Variants in ST7 observed in about 807,000 individuals in gnomAD.
ST7 encodes the protein suppressor of tumorigenicity 7 protein.
ST7 carries 28 observed loss-of-function variants against 78.7 expected under a neutral mutation model. That is an observed-to-expected ratio of 0.36 (90% CI 0.26 to 0.49). ST7 has a LOEUF of 0.49. Ranked by LOEUF, ST7 falls within the 20% of genes least tolerant of loss-of-function variation. The probability of loss-of-function intolerance (pLI) is 0.99; values close to 1 mark genes in which losing one functional copy is unlikely to be tolerated. For synonymous variants in ST7, 247 were observed against 249.6 expected (o/e 0.99, Z 0.10); for missense variants, 418 against 696.0 (o/e 0.60, Z 4.49).
chr7:116,977,408 A>AG (rs1274923265), intron 1 of ST7, among the ~76,000 whole-genome samples: 2 of 152,140 alleles, frequency 1.3e-5, no homozygotes, highest in African/African-American at 4.8e-5. Flanking sequence ...ATGTGGAGGC[A>AG]GGTCTTGCTG....
At chr7:117,133,139 C>T (rs1273044573) in intron 6 of ST7, among the ~76,000 whole-genome samples, 1 of 151,798 alleles carries the variant, frequency 6.6e-6, no homozygotes, top group Non-Finnish European at 1.5e-5. Flanking sequence ...GCTTGGAGAC[C>T]ATTCCTTTAA....
intron 1 of ST7, among the ~76,000 whole-genome samples, chr7:116,976,133 C>A (rs1793693871): frequency 6.6e-6 from 1 of 152,028 alleles, no homozygotes; most frequent in Non-Finnish European, 1.5e-5. Context: ...GGCGTGGTGG[C>A]AGGAGCCTGC....
intron 12 of ST7, among the ~76,000 whole-genome samples, chr7:117,206,375 G>C (rs915302488): frequency 1.3e-5 from 2 of 152,156 alleles, no homozygotes; most frequent in African/African-American, 4.8e-5. Context: ...GAGGTGTGGG[G>C]AGGGGAAATT....
chr7:116,965,792 G>T (rs1049308612), intron 1 of ST7: 3 of 159,788 alleles, frequency 1.9e-5, no homozygotes, highest in Non-Finnish European at 2.9e-5. Flanking sequence ...ACACGTTACT[G>T]TTGGGGCTAA....
chr7:117,097,048 A>AT (rs965389373), intron 1 of ST7, among the ~76,000 whole-genome samples: 168 of 150,162 alleles, frequency 1.1e-3, no homozygotes, highest in African/African-American at 2.4e-3. Flanking sequence ...AAAAAACTCA[A>AT]TTTTTTTTTT....
chr7:117,225,953 C>G (rs1280294091), intron 15 of ST7, among the ~76,000 whole-genome samples: 1 of 152,200 alleles, frequency 6.6e-6, no homozygotes, highest in Non-Finnish European at 1.5e-5. Context: ...TAAGCTTGCA[C>G]ATATAAATAC....
At chr7:117,130,417 T>C in intron 4 of ST7, 74 bp from the exon 5 acceptor site, 1 of 1,093,532 alleles carries the variant, frequency 9.1e-7, no homozygotes, top group South Asian at 1.4e-5. Context: ...TTTCAACGCC[T>C]CTGCAGCTTA....
At chr7:117,184,078 T>G (rs1019828823) in intron 10 of ST7, 3 of 152,266 alleles carry the variant, frequency 2.0e-5, no homozygotes, top group Middle Eastern at 3.2e-3. Context: ...CATGACAATT[T>G]GATTTTGCAT....
chr7:117,166,762 G>A lies in ST7; in HGVS notation c.964-4100G>A, dbSNP rs147085085. Among the ~76,000 whole-genome samples, 748 of 152,038 alleles carry A rather than the reference G, an allele frequency of 4.9e-3. 6 individuals are homozygous for A. Among genetic ancestry groups the A allele is most frequent in the African/African-American group, 0.017 (702 of 41,472 alleles). ...AAATTAGCCGGGCATGGTGGTGGGC[G>A]CCTGTAGTTCCAGCTACTTGGGAGG... On this transcript the variant is annotated intron_variant, in intron 9 of 15. Coordinates refer to ENST00000323984, the MANE Select transcript of ST7 (RefSeq NM_001369598.1).
chr7:117,190,819 C>T lies in ST7; in HGVS notation c.1152-15C>T, dbSNP rs371151383. 223 of 1,612,538 alleles carry T rather than the reference C, an allele frequency of 1.4e-4. No individual in the cohort carries two copies. In the African/African-American group the frequency reaches 2.6e-3, roughly 19 times the overall value. ...GTGGTCCCACCTGGATGGTTTTTGT[C>T]TTTCTGCTTTTCAGATTCTCTCCTG... On this transcript the variant is annotated splice_polypyrimidine_tract_variant and intron_variant, in intron 11 of 15. Transcript: ENST00000323984. The surrounding 1 kb of genome is among the most constrained non-coding windows in gnomAD (Gnocchi z 5.2).
At chr7:116,957,093 G>C (rs1290393100) in intron 1 of ST7, 1 of 162,326 alleles carries the variant, frequency 6.2e-6, no homozygotes, top group Non-Finnish European at 1.3e-5. Flanking sequence ...ACATCGTGTA[G>C]TTTTCCAAGT....
intron 1 of ST7, among the ~76,000 whole-genome samples, chr7:116,974,318 C>T (rs1391022881): frequency 1.3e-5 from 2 of 150,918 alleles, no homozygotes; most frequent in African/African-American, 4.9e-5. Flanking sequence ...GACAGAGCCT[C>T]ACTGTGTCGC....
intron 10 of ST7, among the ~76,000 whole-genome samples, chr7:117,177,971 GA>G (rs1318732461): frequency 1.3e-5 from 2 of 152,152 alleles, no homozygotes; most frequent in East Asian, 3.8e-4. Flanking sequence ...AGGAGAAATG[GA>G]CTGCTTTTTA....
chr7:117,014,095 C>G (rs1446701579), intron 1 of ST7, among the ~76,000 whole-genome samples: 1 of 152,126 alleles, frequency 6.6e-6, no homozygotes, highest in African/African-American at 2.4e-5. Context: ...TCATCTTCTT[C>G]AAAGTGGTGG....
chr7:117,211,639 G>C (rs1792302890), intron 13 of ST7, among the ~76,000 whole-genome samples: 1 of 152,010 alleles, frequency 6.6e-6, no homozygotes, highest in Non-Finnish European at 1.5e-5. Context: ...CCAAAAAAGG[G>C]GTGGGGCAAA....
intron 9 of ST7, among the ~76,000 whole-genome samples, chr7:117,143,474 C>G (rs1462101861): frequency 6.6e-6 from 1 of 152,164 alleles, no homozygotes; most frequent in Non-Finnish European, 1.5e-5. Context: ...GAAGTGTCCC[C>G]TGGCCAGTCC....
chr7:117,052,792 G>A (rs549654821), intron 1 of ST7, among the ~76,000 whole-genome samples: 226 of 152,350 alleles, frequency 1.5e-3, no homozygotes, highest in Middle Eastern at 3.4e-3. Context: ...TACTCAGGAG[G>A]CTGGGGCAGG....
At position 117,170,872 on chromosome 7, in the gene ST7, A is replaced by G; in HGVS notation, c.974A>G (p.Glu325Gly). The G allele has an allele frequency of 6.3e-7, 1 of 1,588,720 alleles. No individual in the cohort carries two copies. The highest frequency in any genetic ancestry group is 8.6e-7 in the Non-Finnish European group (1 of 1,164,020). The change falls in exon 10 of 16, where the codon GAG becomes GGG. Residue 325 changes from glutamate to glycine, a missense_variant. Coordinates refer to ENST00000323984, the MANE Select transcript of ST7 (RefSeq NM_001369598.1). Reference protein sequence around the residue: ...AVKMMRDLMKEFPLLSMFNIH... With the variant: ...AVKMMRDLMKGFPLLSMFNIH... ...TTTCTTCTGCCCTAGTTAATGAAGGAGTTCCCCCTTCTGAGTATGTTCAAT... is the reference window on the plus strand; with the variant it reads ...TTTCTTCTGCCCTAGTTAATGAAGGGGTTCCCCCTTCTGAGTATGTTCAAT...
At chr7:116,983,392 A>G (rs756568286) in intron 1 of ST7, among the ~76,000 whole-genome samples, 1 of 152,048 alleles carries the variant, frequency 6.6e-6, no homozygotes, top group Non-Finnish European at 1.5e-5. Flanking sequence ...TGTAACCAGT[A>G]TCTCTTAATA....
Sources: allele counts gnomAD v4.1 joint callset (sites outside exome capture counted in the v4.1 genomes callset), GRCh38; gene constraint gnomAD v4.1.1; non-coding constraint Gnocchi (gnomAD v3.1); transcripts MANE v1.5; gene names NCBI Gene and HGNC (gene_info 2026-07-23, HGNC 2026-07-21).